Variants in CBR3 observed in about 807,000 individuals in gnomAD.
CBR3 encodes carbonyl reductase 3, also known as carbonyl reductase [NADPH] 3.
In CBR3, 14 loss-of-function variants were observed where a neutral mutation model predicts 11.6. The observed-to-expected ratio is 1.20, with a 90% CI of 0.79 to 1.88. The LOEUF (loss-of-function observed/expected upper bound fraction) is 1.88. CBR3 is among the 40% of genes most tolerant of loss of function. The pLI, the probability that CBR3 is intolerant of heterozygous loss-of-function variation, is 0.00. For synonymous variants in CBR3, 125 were observed against 145.6 expected (o/e 0.86, Z 1.02); for missense variants, 308 against 357.3 (o/e 0.86, Z 1.11).
In CBR3 at chr21:36,137,915, C is replaced by T. The variant is rs140773531; in HGVS notation, c.380C>T (p.Pro127Leu). 110 of 1,601,784 alleles carry T rather than the reference C, an allele frequency of 6.9e-5. No homozygotes were observed. The highest frequency in any genetic ancestry group is 8.4e-5 in the Non-Finnish European group (98 of 1,169,196). The change falls in exon 2 of 3, where the codon CCG (proline) becomes CTG (leucine). Residue 127 changes from proline to leucine, a missense_variant. Pro to Leu is a moderately conservative substitution (Grantham distance 98). Coordinates refer to ENST00000290354, the MANE Select transcript of CBR3 (RefSeq NM_001236.4). ...ATRNMCNELL[P>L]IMKPHGRVVN... ...AGAAACATGTGCAACGAGTTACTGCCGATAATGAAACCTCATGGTAAGCCC... is the reference window on the plus strand; with the variant it reads ...AGAAACATGTGCAACGAGTTACTGCTGATAATGAAACCTCATGGTAAGCCC...
chr21:36,135,567 G>T, intron 1 of CBR3, 86 bp downstream of exon 1: 1 of 1,310,652 alleles, frequency 7.6e-7, no homozygotes. Flanking sequence ...CCGTCCACTT[G>T]AGTGACCGAG....
intron 2 of CBR3, chr21:36,138,814 C>T (rs9305577): frequency 0.42 from 58,340 of 139,908 alleles, 12,145 homozygotes; most frequent in Admixed American, 0.51. Flanking sequence ...GGCACAATTT[C>T]GGCTCACTGT....
chr21:36,135,557 C>T, intron 1 of CBR3, 76 bp downstream of exon 1: 1 of 1,388,756 alleles, frequency 7.2e-7, no homozygotes, highest in South Asian at 1.4e-5. Context: ...GGCTCCCCAC[C>T]CGTCCACTTG....
chr21:36,136,264 G>A (rs935710312), intron 1 of CBR3, among the ~76,000 whole-genome samples: 1 of 150,632 alleles, frequency 6.6e-6, no homozygotes, highest in African/African-American at 2.5e-5. Flanking sequence ...AGCCGAGATC[G>A]CGCCACTGCA....
At chr21:36,142,431 C>CAAAAAAAAAA (rs71326645) in intron 2 of CBR3, among the ~76,000 whole-genome samples, 6 of 40,422 alleles carry the variant, frequency 1.5e-4, no homozygotes, top group African/African-American at 2.3e-4. Context: ...GACTCCATCT[C>CAAAAAAAAAA]AAAAAAAAAA....
In CBR3 at chr21:36,143,935, C is replaced by T. The variant is rs574376911; in HGVS notation, c.398-2141C>T. ...TAAAAACCAGGATGGAAAAACAGCC[C>T]ATTCCACACGTGAAGTGTCCATAAT... On this transcript the variant is annotated intron_variant, in intron 2 of 2. Coordinates refer to ENST00000290354, the MANE Select transcript of CBR3 (RefSeq NM_001236.4). Among the ~76,000 whole-genome samples the T allele has an allele frequency of 9.3e-4, 140 of 151,190 alleles. 1 individual carries two copies. The highest frequency in any genetic ancestry group is 3.2e-3 in the African/African-American group (131 of 41,124).
rs1324104322 is a variant in CBR3 at position 36,146,555 on chromosome 21, T to C, written c.*43T>C. 4.2e-6 allele frequency: 6 copies of C among 1,431,124 alleles called. No homozygotes were observed. The African/African-American group carries it at 4.3e-5, about 10-fold the overall frequency. 88.7% of individuals were successfully genotyped at this position (1,431,124 alleles called of 1,614,324 possible). A position where few individuals can be genotyped will look rare whatever the true frequency, so the allele number is the denominator to read the frequency against. On this transcript the variant is annotated 3_prime_UTR_variant, in exon 3 of 3. Coordinates refer to ENST00000290354, the MANE Select transcript of CBR3 (RefSeq NM_001236.4). Reference sequence around the variant, plus strand: ...TGCTGCTTAATAAATGTTGGTGGAATGAATGAATGAATTGATGCTGTGGTT... The same window carrying C: ...TGCTGCTTAATAAATGTTGGTGGAACGAATGAATGAATTGATGCTGTGGTT...
intron 2 of CBR3, among the ~76,000 whole-genome samples, chr21:36,140,041 C>G (rs1344441011): frequency 3.3e-5 from 5 of 152,002 alleles, no homozygotes; most frequent in Non-Finnish European, 7.4e-5. Context: ...CGAGCACCAC[C>G]ACGCCCAGCT....
intron 2 of CBR3, 38 bp downstream of exon 2, chr21:36,137,970 A>G (rs772195497): frequency 5.3e-6 from 6 of 1,123,748 alleles, no homozygotes; most frequent in Non-Finnish European, 4.1e-6. Context: ...TGCATCCCTC[A>G]GTAAGAAGTG....
intron 2 of CBR3, among the ~76,000 whole-genome samples, chr21:36,143,708 C>T (rs1156448508): frequency 3.3e-5 from 5 of 151,830 alleles, no homozygotes; most frequent in Non-Finnish European, 5.9e-5. Context: ...GGAGAAACCC[C>T]GTTTCTACGA....
Position 36,135,144 on chromosome 21 carries a change from G to C in CBR3, c.-49G>C, listed in dbSNP as rs1478445668. On this transcript the variant is annotated 5_prime_UTR_variant, in exon 1 of 3. Coordinates refer to ENST00000290354, the MANE Select transcript of CBR3 (RefSeq NM_001236.4). Reference sequence around the variant, plus strand: ...CCTCGGGGCGCGCCCCAGGTGGTCCGAAGCCCGGTCCGCCCTCCACGCAGG... The same window carrying C: ...CCTCGGGGCGCGCCCCAGGTGGTCCCAAGCCCGGTCCGCCCTCCACGCAGG... 1 of 1,410,538 alleles carries C rather than the reference G, an allele frequency of 7.1e-7. No homozygotes were observed. The highest frequency in any genetic ancestry group is 9.2e-7 in the Non-Finnish European group (1 of 1,088,438). 87.4% of individuals were successfully genotyped at this position (1,410,538 alleles called of 1,614,324 possible).
Position 36,135,360 on chromosome 21 carries a change from C to G in CBR3, c.168C>G (p.Ser56Arg), listed in dbSNP as rs762615026. The G allele has an allele frequency of 6.2e-7, 1 of 1,612,714 alleles. No individual in the cohort carries two copies. The highest frequency in any genetic ancestry group is 1.3e-5 in the African/African-American group (1 of 74,934). The change falls in exon 1 of 3, where the codon AGC becomes AGG. Residue 56 changes from serine (S) to arginine (R), a missense_variant. Transcript: ENST00000290354. ...AVQQLQAEGL[S>R]PRFHQLDIDD... Reference sequence around the variant, plus strand: ...AGCAGCTGCAGGCGGAGGGCCTGAGCCCGCGCTTCCACCAACTGGACATCG... The same window carrying G: ...AGCAGCTGCAGGCGGAGGGCCTGAGGCCGCGCTTCCACCAACTGGACATCG...
At chr21:36,145,047 T>C (rs538831123) in intron 2 of CBR3, 1 of 152,360 alleles carries the variant, frequency 6.6e-6, no homozygotes, top group South Asian at 2.1e-4. Context: ...GAGGTTGCAG[T>C]GAGCCAAGAT....
At chr21:36,136,331 G>A (rs1166940143) in intron 1 of CBR3, among the ~76,000 whole-genome samples, 1 of 149,468 alleles carries the variant, frequency 6.7e-6, no homozygotes, top group Non-Finnish European at 1.5e-5. Flanking sequence ...AAGTTACTAC[G>A]GAGAAATAAA....
intron 1 of CBR3, among the ~76,000 whole-genome samples, chr21:36,136,267 C>T (rs1382367082): frequency 6.7e-6 from 1 of 149,654 alleles, no homozygotes; most frequent in Non-Finnish European, 1.5e-5. Flanking sequence ...CGAGATCGCG[C>T]CACTGCACTC....
chr21:36,142,431 C>CAAAAGAAAAAAAAA (rs2065717806), intron 2 of CBR3, among the ~76,000 whole-genome samples: 1 of 40,396 alleles, frequency 2.5e-5, no homozygotes, highest in Non-Finnish European at 4.2e-5. Flanking sequence ...GACTCCATCT[C>CAAAAGAAAAAAAAA]AAAAAAAAAA....
chr21:36,141,209 CTA>C (rs1441521547), intron 2 of CBR3, among the ~76,000 whole-genome samples: 1 of 145,966 alleles, frequency 6.9e-6, no homozygotes, highest in Non-Finnish European at 1.5e-5. Context: ...CTGCAGTGAG[CTA>C]TGATTGTGCC....
rs2123332762 is a variant in CBR3 at position 36,135,243 on chromosome 21, C to T, written c.51C>T (p.Ile17=). ...VALVTGANRG[I]GLAIARELCR... ...TGGTGACCGGGGCCAACAGGGGCAT[C>T]GGCTTGGCCATCGCGCGCGAACTGT... The change falls in exon 1 of 3, where the codon ATC becomes ATT. Residue 17 remains isoleucine (I), a synonymous_variant. Coordinates refer to ENST00000290354, the MANE Select transcript of CBR3 (RefSeq NM_001236.4). 6.4e-7 allele frequency: 1 copy of T among 1,567,736 alleles called. No homozygotes were observed.
At chr21:36,136,847 G>A (rs1482353470) in intron 1 of CBR3, among the ~76,000 whole-genome samples, 2 of 151,750 alleles carry the variant, frequency 1.3e-5, no homozygotes, top group East Asian at 3.9e-4. Flanking sequence ...GGGAAACATG[G>A]TGAAACACCA....
Sources: gnomAD v4.1 joint callset for allele counts (sites outside exome capture counted in the v4.1 genomes callset) on GRCh38, gnomAD v4.1.1 for gene constraint, MANE v1.5 for transcripts, NCBI Gene and HGNC (gene_info 2026-07-23, HGNC 2026-07-21) for gene names.